CNTN5: variants seen among roughly 807,000 people sequenced by gnomAD.
CNTN5 encodes contactin-5.
A neutral mutation model predicts 129.1 loss-of-function variants in CNTN5; 77 were observed. That is an observed-to-expected ratio of 0.60 (90% confidence interval 0.50 to 0.72). The LOEUF (loss-of-function observed/expected upper bound fraction) is 0.72. Ranked by LOEUF, CNTN5 falls within the 30% of genes least tolerant of loss-of-function variation. CNTN5 has a pLI of 0.00. For synonymous variants in CNTN5, 509 were observed against 465.6 expected (o/e 1.09, Z -1.20); for missense variants, 1,478 against 1,328.8 (o/e 1.11, Z -1.75).
chr11:99,614,762 C>T (rs1950706130), intron 3 of CNTN5, among the ~76,000 whole-genome samples: 1 of 152,074 alleles, frequency 6.6e-6, no homozygotes, highest in South Asian at 2.1e-4. Flanking sequence ...CCCTATTTTC[C>T]TAGTCCATTG....
chr11:99,928,856 A>G (rs1394484157), intron 7 of CNTN5, among the ~76,000 whole-genome samples: 2 of 152,144 alleles, frequency 1.3e-5, no homozygotes, highest in African/African-American at 2.4e-5. Context: ...TTTGTTTCAC[A>G]TTATCAGGCT....
intron 3 of CNTN5, among the ~76,000 whole-genome samples, chr11:99,741,013 C>G (rs1203412383): frequency 6.6e-6 from 1 of 152,088 alleles, no homozygotes; most frequent in Non-Finnish European, 1.5e-5. Flanking sequence ...CATCTTGAAT[C>G]CCACATTTTC....
At chr11:99,442,529 T>G (rs1003540961) in intron 2 of CNTN5, among the ~76,000 whole-genome samples, 1 of 152,114 alleles carries the variant, frequency 6.6e-6, no homozygotes, top group African/African-American at 2.4e-5. Context: ...TTTGTGGAAA[T>G]TATGGGGACA....
At chr11:99,601,324 A>T (rs1950305998) in intron 3 of CNTN5, among the ~76,000 whole-genome samples, 1 of 152,144 alleles carries the variant, frequency 6.6e-6, no homozygotes, top group South Asian at 2.1e-4. Flanking sequence ...TTAGTAAATC[A>T]TCAAACTTTG....
rs73552143 is a variant in CNTN5 at position 99,092,354 on chromosome 11, T to G, written c.-210+71084T>G. Among the ~76,000 whole-genome samples the G allele has an allele frequency of 2.8e-3, 426 of 152,222 alleles. 6 individuals carry two copies. The highest frequency in any genetic ancestry group is 9.9e-3 in the African/African-American group (411 of 41,582). On this transcript the variant is annotated intron_variant, in intron 1 of 24. Transcript: ENST00000524871. ...ATACAGAGTACTTGGGTATTCTGTG[T>G]ATCTCCTAAATATCTGAGCTTATAT...
intron 3 of CNTN5, among the ~76,000 whole-genome samples, chr11:99,689,923 C>G (rs1252781128): frequency 6.6e-6 from 1 of 152,086 alleles, no homozygotes; most frequent in South Asian, 2.1e-4. Context: ...TCCAGAAGAT[C>G]TTTAGTTTAA....
At chr11:99,396,978 T>C (rs762841204) in intron 2 of CNTN5, among the ~76,000 whole-genome samples, 20 of 151,702 alleles carry the variant, frequency 1.3e-4, no homozygotes, top group Non-Finnish European at 2.7e-4. Context: ...TCCAACTTTA[T>C]AGATGAGAAA....
At chr11:100,255,136 A>G (rs1950040318) in intron 16 of CNTN5, among the ~76,000 whole-genome samples, 2 of 152,196 alleles carry the variant, frequency 1.3e-5, no homozygotes, top group Non-Finnish European at 2.9e-5. Flanking sequence ...GAAAAAAGGA[A>G]GCTAATCATA....
intron 9 of CNTN5, among the ~76,000 whole-genome samples, chr11:100,027,258 G>T (rs558025413): frequency 6.6e-6 from 1 of 152,188 alleles, no homozygotes; most frequent in Admixed American, 6.5e-5. Context: ...ATTTTACCTT[G>T]TTGGAAATTG....
At chr11:99,955,302 G>A (rs188675576) in intron 7 of CNTN5, among the ~76,000 whole-genome samples, 51 of 151,876 alleles carry the variant, frequency 3.4e-4, no homozygotes, top group African/African-American at 1.2e-3. Flanking sequence ...ATAAGAACAA[G>A]TTGAAGTATT....
At chr11:99,163,293 A>G (rs1013348868) in intron 1 of CNTN5, among the ~76,000 whole-genome samples, 2 of 152,172 alleles carry the variant, frequency 1.3e-5, no homozygotes, top group Admixed American at 6.5e-5. Context: ...TATTTTATTT[A>G]TTTTAAACAA....
chr11:99,862,368 T>TG (rs71050027), intron 6 of CNTN5, among the ~76,000 whole-genome samples: 14 of 145,660 alleles, frequency 9.6e-5, no homozygotes, highest in Non-Finnish European at 1.1e-4. Context: ...TAACAGATGT[T>TG]TTTTTTCCCT....
At chr11:99,363,734 A>G (rs1181139097) in intron 2 of CNTN5, among the ~76,000 whole-genome samples, 1 of 152,168 alleles carries the variant, frequency 6.6e-6, no homozygotes, top group East Asian at 1.9e-4. Flanking sequence ...TAGGGTAGGA[A>G]AACAGGACAG....
intron 2 of CNTN5, among the ~76,000 whole-genome samples, chr11:99,382,851 T>TTTTTTTTTTTTA (rs1940672431): frequency 1.2e-5 from 1 of 81,774 alleles, no homozygotes; most frequent in Admixed American, 1.2e-4. Context: ...ATAACTTTTT[T>TTTTTTTTTTTTA]TTTTTTTTTT....
At position 99,640,139 on chromosome 11, in the gene CNTN5, C is replaced by A. The variant is rs1043667396; in HGVS notation, c.55+83870C>A. Among the ~76,000 whole-genome samples the A allele has an allele frequency of 2.0e-5, 3 of 152,176 alleles. No individual in the cohort carries two copies. The East Asian group carries it at 5.8e-4, about 29-fold the overall frequency. ...AAGTCTCTAAGAAGTTCCAAACTCT[C>A]CCACATTTTCCTGTCTTCTGAGCCC... is the stretch of plus-strand genomic sequence containing the variant. On this transcript the variant is annotated intron_variant, in intron 3 of 24. Transcript: ENST00000524871.
At chr11:99,075,043 C>G (rs1865506368) in intron 1 of CNTN5, among the ~76,000 whole-genome samples, 1 of 152,116 alleles carries the variant, frequency 6.6e-6, no homozygotes, top group Non-Finnish European at 1.5e-5. Flanking sequence ...GAGAGACACT[C>G]ATATAAAAAC....
intron 9 of CNTN5, among the ~76,000 whole-genome samples, chr11:100,008,637 AT>A (rs1940333622): frequency 6.6e-6 from 1 of 152,108 alleles, no homozygotes; most frequent in African/African-American, 2.4e-5. Flanking sequence ...ATTCTTAATC[AT>A]TATGTAAACA....
At chr11:99,418,388 G>A (rs1253488547) in intron 2 of CNTN5, among the ~76,000 whole-genome samples, 2 of 152,156 alleles carry the variant, frequency 1.3e-5, no homozygotes, top group East Asian at 3.9e-4. Context: ...GGCAAGAAAA[G>A]ACAGTAAAAC....
intron 13 of CNTN5, among the ~76,000 whole-genome samples, chr11:100,093,959 G>T (rs1336586632): frequency 1.3e-5 from 2 of 152,048 alleles, no homozygotes; most frequent in African/African-American, 4.8e-5. Flanking sequence ...CTCCAGATTT[G>T]TACCAATTAA....
Sources: allele counts gnomAD v4.1 joint callset (sites outside exome capture counted in the v4.1 genomes callset), GRCh38; gene constraint gnomAD v4.1.1; transcripts MANE v1.5; gene names NCBI Gene and HGNC (gene_info 2026-07-23, HGNC 2026-07-21).